The following SHANK2 variants were observed in gnomAD, a reference collection of about 807,000 sequenced individuals.
SHANK2 encodes SH3 and multiple ankyrin repeat domains 2.
Under a neutral mutation model 133.7 loss-of-function variants are expected in SHANK2, and 43 were observed. The observed-to-expected ratio is 0.32, with a 90% CI of 0.25 to 0.41. The LOEUF is 0.41. SHANK2 is among the 10% of genes least tolerant of loss of function. The pLI, the probability that SHANK2 is intolerant of heterozygous loss-of-function variation, is 1.00. For missense variants in SHANK2, 1,994 were observed against 2,235.8 expected (o/e 0.89, Z 2.18); for synonymous variants, 1,017 against 952.8 (o/e 1.07, Z -1.24).
At chr11:70,898,916 A>C (rs1949982534) in intron 10 of SHANK2, among the ~76,000 whole-genome samples, 1 of 152,246 alleles carries the variant, frequency 6.6e-6, no homozygotes, top group Non-Finnish European at 1.5e-5. Flanking sequence ...GATGGAGATA[A>C]GACAAATGAA....
intron 2 of SHANK2, among the ~76,000 whole-genome samples, chr11:71,165,793 CAGAGACACGTCTCAT>C (rs1278912474): frequency 7.2e-5 from 11 of 152,106 alleles, no homozygotes; most frequent in Admixed American, 6.5e-4. Flanking sequence ...TTCTCAGGAG[CAGAGACACGTCTCAT>C]CCTCGGGCCT....
At chr11:70,720,848 C>G (rs1233320867) in intron 14 of SHANK2, among the ~76,000 whole-genome samples, 1 of 152,236 alleles carries the variant, frequency 6.6e-6, no homozygotes, top group Non-Finnish European at 1.5e-5. Context: ...CATCTTCACA[C>G]ACACGTACAT....
At chr11:70,743,045 G>A (rs1045562645) in intron 14 of SHANK2, among the ~76,000 whole-genome samples, 1 of 152,306 alleles carries the variant, frequency 6.6e-6, no homozygotes, top group South Asian at 2.1e-4. Flanking sequence ...GGACCTGAGA[G>A]GGGATCAGAA....
chr11:70,733,460 G>C (rs1946332269), intron 14 of SHANK2, among the ~76,000 whole-genome samples: 1 of 152,178 alleles, frequency 6.6e-6, no homozygotes, highest in Non-Finnish European at 1.5e-5. Flanking sequence ...TCCCTTTCTG[G>C]AGGCTTCACA....
At chr11:70,886,109 G>A (rs1394195735) in intron 11 of SHANK2, among the ~76,000 whole-genome samples, 3 of 151,956 alleles carry the variant, frequency 2.0e-5, no homozygotes, top group Non-Finnish European at 4.4e-5. Context: ...CACACAGACC[G>A]GAAACCACAC....
intron 17 of SHANK2, among the ~76,000 whole-genome samples, chr11:70,550,245 C>T (rs1194266060): frequency 6.6e-6 from 1 of 152,178 alleles, no homozygotes; most frequent in Admixed American, 6.5e-5. Context: ...GGGGACACAT[C>T]CCTGCCATGA....
chr11:70,620,849 G>C (rs534414416), intron 17 of SHANK2, among the ~76,000 whole-genome samples: 1 of 152,148 alleles, frequency 6.6e-6, no homozygotes, highest in Non-Finnish European at 1.5e-5. Flanking sequence ...AGCAGGAAGC[G>C]ACCCCTCACC....
intron 11 of SHANK2, among the ~76,000 whole-genome samples, chr11:70,827,254 C>T (rs1285788090): frequency 8.4e-6 from 1 of 119,238 alleles, no homozygotes. Context: ...ACTCCACCCC[C>T]TCCTACTTTT....
intron 6 of SHANK2, among the ~76,000 whole-genome samples, chr11:71,097,633 G>T (rs1951641347): frequency 6.6e-6 from 1 of 152,172 alleles, no homozygotes; most frequent in Non-Finnish European, 1.5e-5. Flanking sequence ...GTTGGCTCCA[G>T]GGATAAGCAG....
At chr11:71,234,401 A>ATAAATAAATAAC (rs1329862957) in intron 1 of SHANK2, among the ~76,000 whole-genome samples, 3 of 149,832 alleles carry the variant, frequency 2.0e-5, no homozygotes, top group Non-Finnish European at 4.4e-5. Context: ...AAATAAATAA[A>ATAAATAAATAAC]TAACAACAAA....
chr11:70,682,458 G>T (rs1945050012), intron 15 of SHANK2, among the ~76,000 whole-genome samples: 1 of 152,222 alleles, frequency 6.6e-6, no homozygotes, highest in African/African-American at 2.4e-5. Context: ...GGCCAACATG[G>T]TGAAACCCTG....
chr11:71,085,780 AT>A (rs1951389086), intron 8 of SHANK2, among the ~76,000 whole-genome samples: 3 of 75,004 alleles, frequency 4.0e-5, no homozygotes, highest in African/African-American at 1.7e-4. Context: ...TTATATTTAT[AT>A]TATATAATAT....
At chr11:71,067,084 G>T (rs1372505151) in intron 9 of SHANK2, among the ~76,000 whole-genome samples, 3 of 152,320 alleles carry the variant, frequency 2.0e-5, no homozygotes, top group Admixed American at 2.0e-4. Flanking sequence ...CCACCCACCA[G>T]AGCTGGGGGA....
At position 71,068,989 on chromosome 11, in the gene SHANK2, C is replaced by G. The variant is rs1329829377; in HGVS notation, c.1029+6170G>C. 2.0e-5 allele frequency among the ~76,000 whole-genome samples: 3 copies of G among 151,578 alleles called. No individual in the cohort carries two copies. The East Asian group carries it at 5.8e-4, about 29-fold the overall frequency. ...CCACCCTCACCACCATCATCAGCAC[C>G]ATCACTATCAACCACTACCATCATC... is the stretch of plus-strand genomic sequence containing the variant. On this transcript the variant is annotated intron_variant, in intron 9 of 25. Coordinates refer to ENST00000601538, the MANE Select transcript of SHANK2 (RefSeq NM_012309.5).
intron 10 of SHANK2, among the ~76,000 whole-genome samples, chr11:70,951,583 GGCTGCTGTGCTGTGACA>G (rs1950844141): frequency 1.3e-4 from 6 of 45,560 alleles, no homozygotes; most frequent in Admixed American, 5.7e-4. Flanking sequence ...CATTTCCTCT[GGCTGCTGTGCTGTGACA>G]TCATAAATTC....
At chr11:71,078,774 G>A (rs1446349084) in intron 8 of SHANK2, among the ~76,000 whole-genome samples, 2 of 152,192 alleles carry the variant, frequency 1.3e-5, no homozygotes, top group Non-Finnish European at 2.9e-5. Flanking sequence ...AGCAATTCCT[G>A]CAGAACCTGC....
intron 6 of SHANK2, among the ~76,000 whole-genome samples, chr11:71,105,986 C>T (rs1951797325): frequency 6.6e-6 from 1 of 152,220 alleles, no homozygotes; most frequent in African/African-American, 2.4e-5. Context: ...CGTGAACCTT[C>T]ATGTAAGCTT....
intron 9 of SHANK2, 32 bp downstream of exon 9, chr11:71,075,127 C>T (rs1388543215): frequency 1.8e-4 from 32 of 180,244 alleles, no homozygotes; most frequent in African/African-American, 7.1e-4. Context: ...CCACTGTATA[C>T]ATTATTTCCT....
chr11:71,220,565 T>C (rs1446456981), intron 2 of SHANK2, among the ~76,000 whole-genome samples: 1 of 152,162 alleles, frequency 6.6e-6, no homozygotes, highest in Non-Finnish European at 1.5e-5. Context: ...AAACAAGGTG[T>C]GGTCCATTCA....
Sources: allele counts gnomAD v4.1 joint callset (sites outside exome capture counted in the v4.1 genomes callset), GRCh38; gene constraint gnomAD v4.1.1; transcripts MANE v1.5; gene names NCBI Gene and HGNC (gene_info 2026-07-23, HGNC 2026-07-21).